Variants in CCDC85A observed in about 807,000 individuals in gnomAD.
The protein encoded by CCDC85A is coiled-coil domain-containing protein 85A.
In CCDC85A, 38 loss-of-function variants were observed where a neutral mutation model predicts 50.2. The observed-to-expected ratio is 0.76, with a 90% CI of 0.58 to 0.99. CCDC85A has a LOEUF of 0.99. Among genes scored for constraint, CCDC85A ranks in the 50% least tolerant of loss-of-function variants. CCDC85A has a pLI of 0.00. For synonymous variants in CCDC85A, 366 were observed against 301.4 expected (o/e 1.21, Z -2.22); for missense variants, 820 against 742.0 (o/e 1.11, Z -1.22).
chr2:56,301,269 G>A (rs1672189852), intron 2 of CCDC85A, among the ~76,000 whole-genome samples: 1 of 152,180 alleles, frequency 6.6e-6, no homozygotes. Context: ...AATGTGTGGT[G>A]TGTGTCTTCT....
chr2:56,375,056 A>T (rs1360267346), intron 4 of CCDC85A, among the ~76,000 whole-genome samples: 2 of 152,220 alleles, frequency 1.3e-5, no homozygotes, highest in Non-Finnish European at 2.9e-5. Flanking sequence ...AGGAGAGTAG[A>T]TAACTGATAC....
chr2:56,340,164 A>G (rs1399900422), intron 2 of CCDC85A, among the ~76,000 whole-genome samples: 4 of 152,174 alleles, frequency 2.6e-5, no homozygotes, highest in Admixed American at 2.0e-4. Flanking sequence ...TAATTGTTGT[A>G]TTTGTGAATT....
chr2:56,357,707 C>T (rs955420639), intron 3 of CCDC85A, among the ~76,000 whole-genome samples: 5 of 131,344 alleles, frequency 3.8e-5, no homozygotes, highest in African/African-American at 1.5e-4. Flanking sequence ...GAGGTTGCAG[C>T]CTGAAATGGA....
intron 2 of CCDC85A, among the ~76,000 whole-genome samples, chr2:56,229,593 A>C (rs1390243086): frequency 6.6e-6 from 1 of 152,160 alleles, no homozygotes; most frequent in Non-Finnish European, 1.5e-5. Flanking sequence ...CAGAAAAAGG[A>C]GAGGCATGCT....
At chr2:56,333,139 G>A (rs1673898462) in intron 2 of CCDC85A, among the ~76,000 whole-genome samples, 1 of 152,174 alleles carries the variant, frequency 6.6e-6, no homozygotes, top group Non-Finnish European at 1.5e-5. Context: ...AGGTGTTGAA[G>A]TCTTTTGATG....
intron 2 of CCDC85A, among the ~76,000 whole-genome samples, chr2:56,253,061 A>G (rs1249843317): frequency 6.6e-6 from 1 of 152,132 alleles, no homozygotes; most frequent in Non-Finnish European, 1.5e-5. Flanking sequence ...AAAGTAAAAT[A>G]TACAGACAGA....
At chr2:56,229,032 C>A (rs1039897195) in intron 2 of CCDC85A, among the ~76,000 whole-genome samples, 3 of 152,148 alleles carry the variant, frequency 2.0e-5, no homozygotes, top group Non-Finnish European at 2.9e-5. Context: ...TCTGAAGATC[C>A]TTTGAACTTC....
chr2:56,358,515 G>A (rs1339576189), intron 3 of CCDC85A, among the ~76,000 whole-genome samples: 1 of 152,052 alleles, frequency 6.6e-6, no homozygotes. Context: ...AACTTTTTTA[G>A]CAAAGAGCCA....
intron 2 of CCDC85A, among the ~76,000 whole-genome samples, chr2:56,332,632 T>G (rs1050969787): frequency 3.3e-5 from 5 of 152,004 alleles, no homozygotes; most frequent in African/African-American, 1.2e-4. Flanking sequence ...TGTCTCTCAC[T>G]GTCTGTCTCT....
intron 2 of CCDC85A, among the ~76,000 whole-genome samples, chr2:56,335,208 A>G (rs1196546006): frequency 6.6e-6 from 1 of 152,156 alleles, no homozygotes; most frequent in East Asian, 1.9e-4. Context: ...GCTTGCCTGA[A>G]GAAGAAAAAC....
At chr2:56,340,876 CAAAAAAAAAAAAA>C (rs61603853) in intron 2 of CCDC85A, among the ~76,000 whole-genome samples, 1 of 58,228 alleles carries the variant, frequency 1.7e-5, no homozygotes, top group Non-Finnish European at 3.3e-5. Context: ...AACTCCATCT[CAAAAAAAAAAAAA>C]AAAAAAAAAG....
intron 3 of CCDC85A, among the ~76,000 whole-genome samples, chr2:56,369,491 A>G (rs895703851): frequency 4.6e-5 from 7 of 152,168 alleles, no homozygotes; most frequent in Admixed American, 1.3e-4. Flanking sequence ...ACTAAAGGCT[A>G]TGACTCATGC....
intron 3 of CCDC85A, among the ~76,000 whole-genome samples, chr2:56,369,849 A>G (rs1258769361): frequency 6.6e-6 from 1 of 152,078 alleles, no homozygotes; most frequent in Non-Finnish European, 1.5e-5. Context: ...GAAAAACCCT[A>G]CACTATTACC....
chr2:56,295,443 T>C (rs184316521), intron 2 of CCDC85A, among the ~76,000 whole-genome samples: 1 of 152,228 alleles, frequency 6.6e-6, no homozygotes, highest in Admixed American at 6.5e-5. Flanking sequence ...TGATTAATAA[T>C]ATGCTGATAG....
At chr2:56,257,765 T>A (rs778337725) in intron 2 of CCDC85A, among the ~76,000 whole-genome samples, 4 of 152,170 alleles carry the variant, frequency 2.6e-5, no homozygotes, top group Non-Finnish European at 5.9e-5. Flanking sequence ...GAAGCTATTG[T>A]GATGTTATAC....
intron 5 of CCDC85A, among the ~76,000 whole-genome samples, chr2:56,381,987 G>C (rs1172998172): frequency 6.6e-6 from 1 of 151,918 alleles, no homozygotes; most frequent in Non-Finnish European, 1.5e-5. Flanking sequence ...AAGTTCTCTA[G>C]GAGTATGTTT....
chr2:56,248,471 C>T (rs1267673769), intron 2 of CCDC85A, among the ~76,000 whole-genome samples: 1 of 152,122 alleles, frequency 6.6e-6, no homozygotes, highest in Non-Finnish European at 1.5e-5. Context: ...GTCTTCTCTG[C>T]CTTGTGGCTG....
At chr2:56,290,334 T>G (rs552603905) in intron 2 of CCDC85A, among the ~76,000 whole-genome samples, 1 of 152,286 alleles carries the variant, frequency 6.6e-6, no homozygotes, top group African/African-American at 2.4e-5. Context: ...TTTTTCTGGT[T>G]TTGGTTGGAG....
In CCDC85A at chr2:56,184,171, G is replaced by T. The variant is rs562563456; in HGVS notation, c.-454G>T. 5 of 986,890 alleles carry T rather than the reference G, an allele frequency of 5.1e-6. No homozygotes were observed. In the African/African-American group the frequency reaches 8.7e-5, roughly 17 times the overall value. 61.1% of individuals were successfully genotyped at this position (986,890 alleles called of 1,614,324 possible). A position where few individuals can be genotyped will look rare whatever the true frequency, so the allele number is the denominator to read the frequency against. ...TCCAAGCTAGGAGAGGGGAGAAGCC[G>T]GGGGCTGCAGCTGGGCAAGGGGGAG... On this transcript the variant is annotated 5_prime_UTR_variant, in exon 1 of 6. Transcript: ENST00000407595.
Sources: allele counts gnomAD v4.1 joint callset (sites outside exome capture counted in the v4.1 genomes callset), GRCh38; gene constraint gnomAD v4.1.1; transcripts MANE v1.5; gene names NCBI Gene and HGNC (gene_info 2026-07-23, HGNC 2026-07-21).